Variants in ABCA12 observed in about 807,000 individuals in gnomAD.
ABCA12 encodes glucosylceramide transporter ABCA12.
Under a neutral mutation model 293.5 loss-of-function variants are expected in ABCA12, and 156 were observed. The ratio of observed to expected loss-of-function variants is 0.53; its 90% confidence interval spans 0.47 to 0.61. The LOEUF (loss-of-function observed/expected upper bound fraction) is 0.61, where lower values mean the gene tolerates loss of function less well. Ranked by LOEUF, ABCA12 falls within the 20% of genes least tolerant of loss-of-function variation. The probability of loss-of-function intolerance (pLI) is 0.00; values close to 1 mark genes in which losing one functional copy is unlikely to be tolerated. For missense variants in ABCA12, 2,797 were observed against 3,090.2 expected, an observed-to-expected ratio of 0.91 and a Z score of 2.25; for synonymous variants, 1,063 against 1,108.0, an observed-to-expected ratio of 0.96 and a Z score of 0.81.
At chr2:215,122,276 T>A (rs1041276069) in intron 1 of ABCA12, among the ~76,000 whole-genome samples, 7 of 152,148 alleles carry the variant, frequency 4.6e-5, no homozygotes, top group Admixed American at 3.9e-4. Context: ...AACTAAAATT[T>A]TCAAGCAATT....
At chr2:215,053,069 G>A (rs530631503) in intron 4 of ABCA12, among the ~76,000 whole-genome samples, 9 of 152,138 alleles carry the variant, frequency 5.9e-5, no homozygotes, top group African/African-American at 2.2e-4. Context: ...TCCTCAAAGT[G>A]GTTTCTGAAT....
At chr2:215,055,562 A>G (rs1701404440) in intron 3 of ABCA12, among the ~76,000 whole-genome samples, 1 of 152,072 alleles carries the variant, frequency 6.6e-6, no homozygotes, top group Non-Finnish European at 1.5e-5. Flanking sequence ...AGTTATTTAT[A>G]AAAACCTTAA....
intron 1 of ABCA12, among the ~76,000 whole-genome samples, chr2:215,117,790 T>A (rs751029607): frequency 6.6e-6 from 1 of 152,220 alleles, no homozygotes; most frequent in Non-Finnish European, 1.5e-5. Flanking sequence ...GAAACTGAAC[T>A]ACTGTTTGGA....
chr2:214,947,425 C>A lies in ABCA12; in HGVS notation c.7236G>T (p.Leu2412=). ...LALIGKPSIL[L]LDEPSSGMDP... The stretch of plus-strand genomic sequence containing the variant: ...GTTTAAATAATGATTCTCTTACCAG[C>A]AGTAGAATGGAAGGTTTCCCTATCA... Residue 2412 remains leucine (L), a synonymous_variant, in exon 48 of 53, where the codon CTG becomes CTT. Transcript: ENST00000272895. The A allele has an allele frequency of 1.9e-6, 3 of 1,613,742 alleles. No homozygotes were observed. The highest frequency in any genetic ancestry group is 2.5e-6 in the Non-Finnish European group (3 of 1,179,752).
intron 9 of ABCA12, chr2:215,029,088 T>C (rs553396288): frequency 6.6e-6 from 1 of 152,204 alleles, no homozygotes; most frequent in Non-Finnish European, 1.5e-5. Flanking sequence ...CTATTTTATT[T>C]GGCTATAGTG....
rs1285112959 is a variant in ABCA12, at chr2:215,019,753, T to C, written c.1331A>G (p.Glu444Gly). Residue 444 changes from glutamate to glycine, a missense_variant, in exon 12 of 53, where the codon GAA (glutamate) becomes GGA (glycine). By Grantham distance (98) the Glu-to-Gly change is moderately conservative. This residue lies in a region of ABCA12 where 656 missense variants were observed against 638.2 expected (regional missense o/e 1.03). Transcript: ENST00000272895. ...TGACTTCTCTATCAAACTGAAAGTT[T>C]CAGATTCACAAAGAAGTTCGGTCAA... ...RNLTELLCES[E>G]TFSLIEKSCQ... 3 of 1,613,846 alleles carry C rather than the reference T, an allele frequency of 1.9e-6. No homozygotes were observed. Among genetic ancestry groups the C allele is most frequent in the South Asian group, 1.1e-5 (1 of 91,094 alleles).
At chr2:215,088,858 G>A (rs1056594734) in intron 2 of ABCA12, among the ~76,000 whole-genome samples, 1 of 152,164 alleles carries the variant, frequency 6.6e-6, no homozygotes, top group African/African-American at 2.4e-5. Flanking sequence ...CTCCTGGAAT[G>A]AGCTTTAGTA....
At chr2:214,989,745 A>G (rs1483772144) in intron 24 of ABCA12, 124 bp from the exon 25 acceptor site, 1 of 1,011,338 alleles carries the variant, frequency 9.9e-7, no homozygotes, top group Admixed American at 2.5e-5. Flanking sequence ...TTCTCTAAGC[A>G]TATTTAAAAA....
intron 38 of ABCA12, among the ~76,000 whole-genome samples, chr2:214,968,003 A>G (rs1699303423): frequency 6.6e-6 from 1 of 152,194 alleles, no homozygotes; most frequent in African/African-American, 2.4e-5. Context: ...AGAATTATTT[A>G]TCTCCATTAA....
chr2:214,993,500 C>T (rs532861598), intron 23 of ABCA12, among the ~76,000 whole-genome samples: 2 of 152,286 alleles, frequency 1.3e-5, no homozygotes, highest in Admixed American at 6.5e-5. Context: ...TCACCTGTTC[C>T]AATATGATAT....
intron 7 of ABCA12, among the ~76,000 whole-genome samples, chr2:215,043,572 T>G (rs987396449): frequency 2.0e-5 from 3 of 151,550 alleles, no homozygotes; most frequent in Admixed American, 6.6e-5. Context: ...TTGTGGAATT[T>G]TTGTTGTTGT....
rs149243979 is a variant in ABCA12 at position 215,019,788 on chromosome 2, T to A, written c.1296A>T (p.Gln432His). ...AAAGAAGTTCGGTCAAGTTTCGAAG[T>A]TGAGACAGCTTTCCAAAAAGGGAAA... ...VPEVLKSKLS[Q>H]LRNLTELLCE... The change falls in exon 12 of 53, where the codon CAA becomes CAT. Residue 432 changes from glutamine to histidine, a missense_variant. Physicochemically the swap from Gln to His is conservative, Grantham distance 24. Transcript: ENST00000272895. 6.2e-7 allele frequency: 1 copy of A among 1,611,516 alleles called. No individual in the cohort carries two copies. The highest frequency in any genetic ancestry group is 1.3e-5 in the African/African-American group (1 of 74,918).
chr2:215,010,443 T>C lies in ABCA12; in HGVS notation c.2360A>G (p.Asp787Gly). 6.2e-7 allele frequency: 1 copy of C among 1,613,790 alleles called. No homozygotes were observed. The highest frequency in any genetic ancestry group is 8.5e-7 in the Non-Finnish European group (1 of 1,179,744). The change falls in exon 18 of 53, where the codon GAC (aspartate) becomes GGC (glycine). Residue 787 changes from aspartate (D) to glycine (G), a missense_variant. Coordinates refer to ENST00000272895, the MANE Select transcript of ABCA12 (RefSeq NM_173076.3). ...AGGTCCAGCGGGCATGTTAATGATG[T>C]CTTTATAAAGGGAGAAGCAAAATGG... ...STPFCFSLYK[D>G]IINMPAGPVI...
chr2:214,955,012 C>T lies in ABCA12; in HGVS notation c.6393+190G>A, dbSNP rs1451742407. 3.9e-5 allele frequency among the ~76,000 whole-genome samples: 6 copies of T among 152,136 alleles called. No homozygotes were observed. In the South Asian group the frequency reaches 6.2e-4, roughly 16 times the overall value. On this transcript the variant is annotated intron_variant, in intron 43 of 52. Coordinates refer to ENST00000272895, the MANE Select transcript of ABCA12 (RefSeq NM_173076.3). ...CCCTATCAGGTGTCAATAGTTTTGACGCTCAATACATACAATGATAGGCAT... is the reference window on the plus strand; with the variant it reads ...CCCTATCAGGTGTCAATAGTTTTGATGCTCAATACATACAATGATAGGCAT...
At chr2:214,943,118 T>C (rs1698460233) in intron 49 of ABCA12, 101 bp from the exon 50 acceptor site, 1 of 884,802 alleles carries the variant, frequency 1.1e-6, no homozygotes, top group Non-Finnish European at 1.8e-6. Flanking sequence ...CACTTGGAAA[T>C]ACTATTTTAG....
chr2:215,093,521 C>T (rs1702190609), intron 2 of ABCA12, among the ~76,000 whole-genome samples: 1 of 152,166 alleles, frequency 6.6e-6, no homozygotes, highest in Non-Finnish European at 1.5e-5. Context: ...GGTTAGAATT[C>T]TTACACAAGA....
intron 2 of ABCA12, among the ~76,000 whole-genome samples, chr2:215,109,785 A>G (rs1251267370): frequency 6.6e-6 from 1 of 152,184 alleles, no homozygotes; most frequent in Non-Finnish European, 1.5e-5. Context: ...CTGCTCATTC[A>G]AAGACCTTAT....
At chr2:214,992,766 CAG>C (rs1392890182) in intron 23 of ABCA12, among the ~76,000 whole-genome samples, 2 of 151,924 alleles carry the variant, frequency 1.3e-5, no homozygotes, top group Non-Finnish European at 2.9e-5. Context: ...GAGGCTGAGA[CAG>C]GAGAATAGCC....
chr2:214,937,473 C>T, intron 51 of ABCA12, 37 bp downstream of exon 51: 1 of 1,532,454 alleles, frequency 6.5e-7, no homozygotes, highest in Non-Finnish European at 9.0e-7. Context: ...GCTGGGATTA[C>T]AGGCGTGAGC....
Sources: allele counts gnomAD v4.1 joint callset (sites outside exome capture counted in the v4.1 genomes callset), GRCh38; gene constraint gnomAD v4.1.1; regional missense constraint gnomAD v4.1.1; transcripts MANE v1.5; gene names NCBI Gene and HGNC (gene_info 2026-07-23, HGNC 2026-07-21).